The following POLQ variants were observed in gnomAD, a reference collection of about 807,000 sequenced individuals.
POLQ encodes the protein epididymis secretory sperm binding protein.
Under a neutral mutation model 259.2 loss-of-function variants are expected in POLQ, and 233 were observed. That is an observed-to-expected ratio of 0.90 (90% CI 0.81 to 1.00). The LOEUF (loss-of-function observed/expected upper bound fraction) is 1.00, where lower values mean the gene tolerates loss of function less well. Ranked by LOEUF, POLQ falls within the 50% of genes least tolerant of loss-of-function variation. POLQ has a pLI of 0.00. For missense variants in POLQ, 2,871 were observed against 3,051.6 expected (o/e 0.94, Z 1.39); for synonymous variants, 1,025 against 1,048.8 (o/e 0.98, Z 0.44).
chr3:121,539,391 A>T, intron 4 of POLQ, 42 bp downstream of exon 4: 14 of 1,463,430 alleles, frequency 9.6e-6, no homozygotes, highest in Non-Finnish European at 1.2e-5. Context: ...TTCCATCAAA[A>T]ATAGCAATAG....
chr3:121,540,183 T>C (rs2048480681), intron 3 of POLQ, among the ~76,000 whole-genome samples: 1 of 152,194 alleles, frequency 6.6e-6, no homozygotes, highest in Non-Finnish European at 1.5e-5. Flanking sequence ...TGTTGGCTAC[T>C]GTGCCTCTGA....
At chr3:121,530,234 T>G (rs1340600831) in intron 6 of POLQ, among the ~76,000 whole-genome samples, 2 of 152,136 alleles carry the variant, frequency 1.3e-5, no homozygotes, top group African/African-American at 4.8e-5. Context: ...ATACAACTCT[T>G]CTATTTTTCA....
At chr3:121,541,718 ACTGAGTAC>A (rs1465848528) in intron 2 of POLQ, among the ~76,000 whole-genome samples, 2 of 152,220 alleles carry the variant, frequency 1.3e-5, no homozygotes, top group Non-Finnish European at 2.9e-5. Flanking sequence ...GATGAATACT[ACTGAGTAC>A]CTAGTTTATA....
At chr3:121,481,479 G>T in intron 19 of POLQ, 93 bp downstream of exon 19, 1 of 1,136,422 alleles carries the variant, frequency 8.8e-7, no homozygotes, top group Non-Finnish European at 1.3e-6. Context: ...GGTAGGATTT[G>T]CATAAATGTG....
chr3:121,468,573 T>G (rs2047857409), intron 22 of POLQ, 142 bp from the exon 23 acceptor site: 1 of 577,622 alleles, frequency 1.7e-6, no homozygotes, highest in African/African-American at 1.9e-5. Flanking sequence ...ATATTTTTCA[T>G]CATGTTCATG....
chr3:121,516,355 T>C lies in POLQ; in HGVS notation c.1468+3516A>G, dbSNP rs190342015. 3.9e-5 allele frequency among the ~76,000 whole-genome samples: 6 copies of C among 152,236 alleles called. No homozygotes were observed. In the South Asian group the frequency reaches 8.3e-4, roughly 21 times the overall value. ...GCTTAAGAAAGAAAACACACACATATAAATTACCTAGAAAATGAATCAACT... is the reference window on the plus strand; with the variant it reads ...GCTTAAGAAAGAAAACACACACATACAAATTACCTAGAAAATGAATCAACT... On this transcript the variant is annotated intron_variant, in intron 9 of 29. Coordinates refer to ENST00000264233, the MANE Select transcript of POLQ (RefSeq NM_199420.4).
chr3:121,485,918 T>C (rs1263093203), intron 16 of POLQ, among the ~76,000 whole-genome samples: 1 of 152,184 alleles, frequency 6.6e-6, no homozygotes, highest in Non-Finnish European at 1.5e-5. Flanking sequence ...AATTAATTCA[T>C]AAAATAGCAA....
rs947493163 is a variant in POLQ, at chr3:121,541,566, C to T, written c.344-87G>A. The T allele has an allele frequency of 3.3e-6, 4 of 1,202,642 alleles. No homozygotes were observed. The African/African-American group carries it at 6.1e-5, about 18-fold the overall frequency. The allele number at this position is 1,202,642 out of a possible 1,614,324, so 74.5% of individuals were successfully genotyped here. On this transcript the variant is annotated intron_variant, in intron 2 of 29. Coordinates refer to ENST00000264233, the MANE Select transcript of POLQ (RefSeq NM_199420.4). ...TAAATGTTTTAAGCCATGTGTAGTA[C>T]TACAGAGCCTAAGGCTAACCAATCA...
chr3:121,486,008 G>A (rs570762851), intron 16 of POLQ, among the ~76,000 whole-genome samples: 2 of 152,284 alleles, frequency 1.3e-5, no homozygotes, highest in East Asian at 1.9e-4. Flanking sequence ...CAGAGCTCAC[G>A]CAATAAGACA....
At chr3:121,469,431 G>A (rs1346835338) in intron 22 of POLQ, among the ~76,000 whole-genome samples, 3 of 152,074 alleles carry the variant, frequency 2.0e-5, no homozygotes, top group Non-Finnish European at 4.4e-5. Flanking sequence ...ATTATCTTCT[G>A]ATAAATCAGA....
At chr3:121,458,262 C>T (rs2047759706) in intron 25 of POLQ, among the ~76,000 whole-genome samples, 1 of 152,054 alleles carries the variant, frequency 6.6e-6, no homozygotes, top group African/African-American at 2.4e-5. Context: ...GGAGGGATAG[C>T]ATTAGGAGAT....
chr3:121,457,323 G>C (rs894737770), intron 25 of POLQ, among the ~76,000 whole-genome samples: 21 of 152,108 alleles, frequency 1.4e-4, no homozygotes, highest in Non-Finnish European at 3.1e-4. Context: ...CATAGGCATG[G>C]GCAAGGACTT....
intron 14 of POLQ, chr3:121,494,488 C>A: frequency 6.8e-7 from 1 of 1,475,710 alleles, no homozygotes. Flanking sequence ...GCAGAGGGGA[C>A]GTCCCCACCA....
intron 16 of POLQ, among the ~76,000 whole-genome samples, chr3:121,485,930 G>A (rs1486844222): frequency 6.6e-6 from 1 of 152,164 alleles, no homozygotes; most frequent in Non-Finnish European, 1.5e-5. Flanking sequence ...AAATAGCAAG[G>A]TTTAATAAAT....
At chr3:121,476,410 G>GT (rs1274395821) in intron 20 of POLQ, 130 bp downstream of exon 20, 1 of 585,710 alleles carries the variant, frequency 1.7e-6, no homozygotes, top group African/African-American at 1.9e-5. Context: ...AAGCAATCTG[G>GT]TTAACTGGCT....
intron 18 of POLQ, among the ~76,000 whole-genome samples, 192 bp from the exon 19 acceptor site, chr3:121,482,004 C>G (rs563386750): frequency 5.3e-5 from 8 of 152,288 alleles, no homozygotes; most frequent in African/African-American, 1.9e-4. Context: ...GCAACAACAG[C>G]AGTAGCTTTC....
intron 14 of POLQ, among the ~76,000 whole-genome samples, chr3:121,496,024 T>TAGTAAAA (rs1258203498): frequency 1.3e-5 from 2 of 151,998 alleles, no homozygotes; most frequent in Non-Finnish European, 2.9e-5. Context: ...AAGGATTCCT[T>TAGTAAAA]AGTAAAATCA....
Position 121,496,891 on chromosome 3 carries a change from A to T in POLQ, c.2195T>A (p.Val732Asp). 1 of 1,613,204 alleles carries T rather than the reference A, an allele frequency of 6.2e-7. No individual in the cohort carries two copies. The highest frequency in any genetic ancestry group is 8.5e-7 in the Non-Finnish European group (1 of 1,179,652). The part of the protein sequence containing the change: ...SLVLLDLISE[V>D]PLREINQKYG... ...TTTCTGATTTATTTCCCTTAAGGGA[A>T]CTTCACTGATTAAATCTAATAGCAC... is the stretch of plus-strand genomic sequence containing the variant. Residue 732 changes from valine to aspartate, a missense_variant, in exon 14 of 30, where the codon GTT becomes GAT. This residue lies in a region of POLQ where 783 missense variants were observed against 906.2 expected (regional missense o/e 0.86). Transcript: ENST00000264233.
intron 8 of POLQ, 21 bp from the exon 9 acceptor site, chr3:121,520,104 T>C (rs1028515797): frequency 2.8e-6 from 4 of 1,446,446 alleles, no homozygotes; most frequent in Middle Eastern, 1.8e-4. Flanking sequence ...GAGGTTTTTA[T>C]ATATTTATTG....
Sources: gnomAD v4.1 joint callset for allele counts (sites outside exome capture counted in the v4.1 genomes callset) on GRCh38, gnomAD v4.1.1 for gene constraint, gnomAD v4.1.1 regional missense constraint, MANE v1.5 for transcripts, NCBI Gene and HGNC (gene_info 2026-07-23, HGNC 2026-07-21) for gene names.